GPR39: variants seen among roughly 807,000 people sequenced by gnomAD.
GPR39 encodes the protein G protein-coupled receptor 39.
A neutral mutation model predicts 18.4 loss-of-function variants in GPR39; 23 were observed. The ratio of observed to expected loss-of-function variants is 1.25; its 90% CI spans 0.90 to 1.77. The LOEUF is 1.77. Ranked by LOEUF, GPR39 falls within the 40% of genes most tolerant of loss-of-function variation. GPR39 has a pLI of 0.00. For missense variants in GPR39, 647 were observed against 602.4 expected (o/e 1.07, Z -0.78); for synonymous variants, 280 against 257.9 (o/e 1.09, Z -0.82).
intron 1 of GPR39, among the ~76,000 whole-genome samples, chr2:132,461,823 G>A (rs1413321531): frequency 4.6e-5 from 7 of 152,212 alleles, no homozygotes; most frequent in Admixed American, 2.6e-4. Context: ...CATTGCCCCA[G>A]TGACAGTCAC....
chr2:132,561,242 A>G (rs1423346404), intron 1 of GPR39, among the ~76,000 whole-genome samples: 1 of 151,888 alleles, frequency 6.6e-6, no homozygotes, highest in Non-Finnish European at 1.5e-5. Flanking sequence ...TTCAAAACAG[A>G]TTCCTTCTTT....
At chr2:132,473,279 C>T (rs779048771) in intron 1 of GPR39, among the ~76,000 whole-genome samples, 1 of 152,164 alleles carries the variant, frequency 6.6e-6, no homozygotes, top group Admixed American at 6.5e-5. Context: ...ACTGATTTGG[C>T]AGGTCCTAAG....
In GPR39 at chr2:132,646,358, C is replaced by G. The variant is rs777574565; in HGVS notation, c.*752C>G. On this transcript the variant is annotated 3_prime_UTR_variant, in exon 2 of 2. Transcript: ENST00000329321. ...CTGTCCCTCTCAGCCCAAATCCAAA[C>G]GGACAGCTCTTCCTTACTCCTCCCA... 9 of 984,542 alleles carry G rather than the reference C, an allele frequency of 9.1e-6. No homozygotes were observed. The highest frequency in any genetic ancestry group is 1.3e-5 in the Non-Finnish European group (9 of 715,274). The allele number at this position is 984,542 out of a possible 1,614,324, so 61.0% of individuals were successfully genotyped here. A position where few individuals can be genotyped will look rare whatever the true frequency, so the allele number is the denominator to read the frequency against.
At chr2:132,452,279 A>C (rs1680643794) in intron 1 of GPR39, among the ~76,000 whole-genome samples, 1 of 152,212 alleles carries the variant, frequency 6.6e-6, no homozygotes, top group African/African-American at 2.4e-5. Flanking sequence ...GTGACTTTCA[A>C]GATGTAGTCA....
chr2:132,515,238 G>T (rs1679311220), intron 1 of GPR39, among the ~76,000 whole-genome samples: 1 of 152,168 alleles, frequency 6.6e-6, no homozygotes, highest in Admixed American at 6.5e-5. Context: ...TCCTTCTAGT[G>T]ACAACCTGTG....
Position 132,534,917 on chromosome 2 carries a change from C to T in GPR39, c.857-110184C>T, listed in dbSNP as rs968876932. ...TGACGAGTTAAGGGGAGCAGCACAC[C>T]AACATGGCACATGTGTACATATGTT... On this transcript the variant is annotated intron_variant, in intron 1 of 1. Coordinates refer to ENST00000329321, the MANE Select transcript of GPR39 (RefSeq NM_001508.3). Among the ~76,000 whole-genome samples, 74 of 151,862 alleles carry T rather than the reference C, an allele frequency of 4.9e-4. 1 individual carries two copies. Among genetic ancestry groups the T allele is most frequent in the Non-Finnish European group, 1.0e-4 (7 of 67,994 alleles).
chr2:132,430,510 A>C (rs1450837540), intron 1 of GPR39, among the ~76,000 whole-genome samples: 2 of 152,204 alleles, frequency 1.3e-5, no homozygotes, highest in African/African-American at 4.8e-5. Flanking sequence ...AGTCAAAGGG[A>C]AGGCTAAATA....
At chr2:132,506,460 C>T (rs1421247120) in intron 1 of GPR39, among the ~76,000 whole-genome samples, 1 of 151,948 alleles carries the variant, frequency 6.6e-6, no homozygotes, top group Non-Finnish European at 1.5e-5. Flanking sequence ...AGGTCTTAGC[C>T]ATTGTATTAG....
chr2:132,635,836 TAAAAG>T (rs1048645108), intron 1 of GPR39, among the ~76,000 whole-genome samples: 9 of 152,056 alleles, frequency 5.9e-5, no homozygotes, highest in Non-Finnish European at 1.2e-4. Context: ...CGAGTGAACA[TAAAAG>T]AAGAGGAAGA....
chr2:132,497,044 A>G (rs1252770583), intron 1 of GPR39, among the ~76,000 whole-genome samples: 1 of 152,208 alleles, frequency 6.6e-6, no homozygotes, highest in Non-Finnish European at 1.5e-5. Context: ...TTATCTGATG[A>G]TGTCCTTATA....
intron 1 of GPR39, among the ~76,000 whole-genome samples, chr2:132,560,471 C>A (rs1455681880): frequency 6.6e-6 from 1 of 152,180 alleles, no homozygotes; most frequent in Non-Finnish European, 1.5e-5. Context: ...TTTCTCTCTC[C>A]TTCGTCTCAT....
chr2:132,597,172 T>G (rs186523976), intron 1 of GPR39, among the ~76,000 whole-genome samples: 1 of 152,286 alleles, frequency 6.6e-6, no homozygotes, highest in East Asian at 1.9e-4. Flanking sequence ...GGACTGGAGC[T>G]TCCAGTTTCT....
At chr2:132,508,585 T>G (rs1679179055) in intron 1 of GPR39, among the ~76,000 whole-genome samples, 1 of 118,958 alleles carries the variant, frequency 8.4e-6, no homozygotes, top group Non-Finnish European at 2.0e-5. Flanking sequence ...TGCATTGAAA[T>G]GACTAACAAG....
At chr2:132,488,059 G>A (rs946027249) in intron 1 of GPR39, among the ~76,000 whole-genome samples, 2 of 152,178 alleles carry the variant, frequency 1.3e-5, no homozygotes, top group African/African-American at 4.8e-5. Context: ...CCCATTTTTA[G>A]GTCCTATTTG....
At chr2:132,492,882 T>C (rs541302070) in intron 1 of GPR39, among the ~76,000 whole-genome samples, 2 of 140,098 alleles carry the variant, frequency 1.4e-5, no homozygotes, top group Non-Finnish European at 3.1e-5. Flanking sequence ...ACCATATATA[T>C]ACACCATATA....
chr2:132,611,886 G>T (rs1681245145), intron 1 of GPR39, among the ~76,000 whole-genome samples: 1 of 152,188 alleles, frequency 6.6e-6, no homozygotes, highest in Non-Finnish European at 1.5e-5. Flanking sequence ...AAGTGTTAAT[G>T]TGAGGCATTA....
intron 1 of GPR39, among the ~76,000 whole-genome samples, chr2:132,543,768 G>A (rs912085324): frequency 4.6e-5 from 7 of 152,274 alleles, no homozygotes; most frequent in Middle Eastern, 3.4e-3. Context: ...ACCCAGCTCA[G>A]TAAAGCCAGA....
At chr2:132,535,720 T>C (rs187744783) in intron 1 of GPR39, among the ~76,000 whole-genome samples, 9,599 of 123,090 alleles carry the variant, frequency 0.078, 517 homozygotes, top group South Asian at 0.17. Context: ...TGGTAGGCTA[T>C]TAATTACTGC....
At chr2:132,581,328 G>A (rs1034076863) in intron 1 of GPR39, among the ~76,000 whole-genome samples, 1 of 133,438 alleles carries the variant, frequency 7.5e-6, no homozygotes, top group Non-Finnish European at 1.6e-5. Context: ...ATGGGGGAAC[G>A]ATAGTGACTT....
Sources: gnomAD v4.1 joint callset for allele counts (sites outside exome capture counted in the v4.1 genomes callset) on GRCh38, gnomAD v4.1.1 for gene constraint, MANE v1.5 for transcripts, NCBI Gene and HGNC (gene_info 2026-07-23, HGNC 2026-07-21) for gene names.